PARP12: variants seen among roughly 807,000 people sequenced by gnomAD.
PARP12 encodes protein mono-ADP-ribosyltransferase PARP12.
A neutral mutation model predicts 72.4 loss-of-function variants in PARP12; 59 were observed. The ratio of observed to expected loss-of-function variants is 0.81; its 90% confidence interval spans 0.66 to 1.01. PARP12 has a LOEUF of 1.01. Among genes scored for constraint, PARP12 ranks in the 50% least tolerant of loss-of-function variants. The pLI, the probability that PARP12 is intolerant of heterozygous loss-of-function variation, is 0.00. For missense variants in PARP12, 851 were observed against 914.0 expected, an observed-to-expected ratio of 0.93 and a Z score of 0.89; for synonymous variants, 403 against 371.4, an observed-to-expected ratio of 1.09 and a Z score of -0.98.
Position 140,024,321 on chromosome 7 carries a change from A to G in PARP12, c.*239T>C, listed in dbSNP as rs117800585. 10,477 of 535,420 alleles carry G rather than the reference A, an allele frequency of 0.02. 146 individuals are homozygous for G. The highest frequency in any genetic ancestry group is 0.026 in the Non-Finnish European group (7,843 of 298,496). 33.2% of individuals were successfully genotyped at this position (535,420 alleles called of 1,614,324 possible). Reference sequence around the variant, plus strand: ...AAAGAGTAAAAACTAAAACTTCAACACATTATTAAAAAGCAAAACTGGACT... The same window carrying G: ...AAAGAGTAAAAACTAAAACTTCAACGCATTATTAAAAAGCAAAACTGGACT... On this transcript the variant is annotated 3_prime_UTR_variant, in exon 12 of 12. Coordinates refer to ENST00000263549, the MANE Select transcript of PARP12 (RefSeq NM_022750.4).
intron 8 of PARP12, among the ~76,000 whole-genome samples, chr7:140,029,465 A>G (rs1815857693): frequency 6.6e-6 from 1 of 152,216 alleles, no homozygotes; most frequent in Non-Finnish European, 1.5e-5. Context: ...TGAAACATAT[A>G]CCTTCATCCT....
At chr7:140,032,498 G>T (rs1815977106) in intron 8 of PARP12, among the ~76,000 whole-genome samples, 1 of 151,982 alleles carries the variant, frequency 6.6e-6, no homozygotes, top group South Asian at 2.1e-4. Flanking sequence ...ATTTGAAACA[G>T]CACATACATC....
At chr7:140,060,181 C>T (rs188455353) in intron 1 of PARP12, among the ~76,000 whole-genome samples, 1 of 152,190 alleles carries the variant, frequency 6.6e-6, no homozygotes, top group Non-Finnish European at 1.5e-5. Context: ...GAACTGAGAC[C>T]TGGAGGTAAA....
At chr7:140,032,801 CAT>C (rs1815991647) in intron 8 of PARP12, among the ~76,000 whole-genome samples, 1 of 151,878 alleles carries the variant, frequency 6.6e-6, no homozygotes. Context: ...CAAAGAGAAA[CAT>C]AAAAAAGAGA....
intron 7 of PARP12, among the ~76,000 whole-genome samples, chr7:140,035,969 G>A (rs930265419): frequency 1.5e-4 from 10 of 66,894 alleles, no homozygotes; most frequent in Admixed American, 8.1e-4. Context: ...GGAGGAGGAG[G>A]ACGAGGAGGA....
chr7:140,062,509 C>A lies in PARP12; in HGVS notation c.326+13G>T. On this transcript the variant is annotated intron_variant, in intron 1 of 11. Transcript: ENST00000263549. ...GACCTCCGCCCGCCGTCGCTCCCGG[C>A]GCGGCGCCTTACCCGGCTCTCAGGA... 4.6e-6 allele frequency: 7 copies of A among 1,535,742 alleles called. No homozygotes were observed. Among genetic ancestry groups the A allele is most frequent in the Non-Finnish European group, 6.1e-6 (7 of 1,145,602 alleles).
intron 4 of PARP12, among the ~76,000 whole-genome samples, chr7:140,047,861 C>T (rs536952652): frequency 1.3e-5 from 2 of 152,296 alleles, no homozygotes; most frequent in East Asian, 1.9e-4. Context: ...AGTGATCCAC[C>T]CATCTTGGCC....
intron 6 of PARP12, among the ~76,000 whole-genome samples, chr7:140,038,793 T>C (rs1298330714): frequency 6.6e-6 from 1 of 152,142 alleles, no homozygotes; most frequent in East Asian, 1.9e-4. Context: ...GCTTTAGGTG[T>C]TACTAACAGA....
At chr7:140,032,958 AATT>A (rs1260752927) in intron 8 of PARP12, among the ~76,000 whole-genome samples, 1 of 152,072 alleles carries the variant, frequency 6.6e-6, no homozygotes, top group African/African-American at 2.4e-5. Flanking sequence ...TAATAATAAT[AATT>A]ATTATTTTTG....
intron 5 of PARP12, among the ~76,000 whole-genome samples, chr7:140,044,338 G>C (rs1464134272): frequency 6.6e-6 from 1 of 152,194 alleles, no homozygotes; most frequent in Non-Finnish European, 1.5e-5. Flanking sequence ...TTGGATTCGG[G>C]TGGGCCCTAA....
At chr7:140,053,732 C>A (rs938879599) in intron 4 of PARP12, among the ~76,000 whole-genome samples, 2 of 152,064 alleles carry the variant, frequency 1.3e-5, no homozygotes, top group African/African-American at 4.8e-5. Context: ...AATGGAACAT[C>A]ATTATAATCA....
chr7:140,045,132 T>C (rs1342808177), intron 5 of PARP12, among the ~76,000 whole-genome samples: 1 of 151,934 alleles, frequency 6.6e-6, no homozygotes, highest in African/African-American at 2.4e-5. Context: ...TGGGCTCAAA[T>C]GGTGCTCCCT....
intron 11 of PARP12, 97 bp downstream of exon 11, chr7:140,026,100 T>G: frequency 1.3e-6 from 2 of 1,571,012 alleles, no homozygotes; most frequent in Non-Finnish European, 1.7e-6. Context: ...AACCTGCTCA[T>G]CAGCTCAGGC....
intron 3 of PARP12, 49 bp from the exon 4 acceptor site, chr7:140,054,812 A>G: frequency 7.1e-7 from 1 of 1,407,560 alleles, no homozygotes; most frequent in Non-Finnish European, 1.0e-6. Context: ...ATGGGGTATA[A>G]AAGAGAGTTA....
At chr7:140,059,888 G>C (rs1216155946) in intron 1 of PARP12, among the ~76,000 whole-genome samples, 2 of 152,194 alleles carry the variant, frequency 1.3e-5, no homozygotes, top group African/African-American at 4.8e-5. Context: ...AGGGGAGCAT[G>C]CTGGATGGCA....
At chr7:140,039,837 C>T (rs1816381132) in intron 6 of PARP12, among the ~76,000 whole-genome samples, 2 of 152,192 alleles carry the variant, frequency 1.3e-5, no homozygotes, top group African/African-American at 2.4e-5. Context: ...CCCACTAGCA[C>T]GTGGCATATC....
chr7:140,058,240 G>A (rs755074314), intron 1 of PARP12, among the ~76,000 whole-genome samples: 24 of 152,254 alleles, frequency 1.6e-4, no homozygotes, highest in Non-Finnish European at 2.6e-4. Context: ...GGCTAAGCAC[G>A]GTGGCTCATG....
At chr7:140,059,797 C>G (rs1373264853) in intron 1 of PARP12, among the ~76,000 whole-genome samples, 1 of 152,180 alleles carries the variant, frequency 6.6e-6, no homozygotes, top group African/African-American at 2.4e-5. Context: ...AGTGCAACGT[C>G]AGCTGTTGTC....
intron 5 of PARP12, 150 bp downstream of exon 5, chr7:140,046,734 G>A (rs1384542687): frequency 2.6e-6 from 2 of 776,830 alleles, no homozygotes; most frequent in African/African-American, 3.6e-5. Flanking sequence ...GTGTGTGTGT[G>A]TGTGTGTGTG....
Sources: allele counts gnomAD v4.1 joint callset (sites outside exome capture counted in the v4.1 genomes callset), GRCh38; gene constraint gnomAD v4.1.1; transcripts MANE v1.5; gene names NCBI Gene and HGNC (gene_info 2026-07-23, HGNC 2026-07-21).